Variants in PLXNA4 observed in about 807,000 individuals in gnomAD.
The protein encoded by PLXNA4 is plexin-A4.
PLXNA4 carries 44 observed loss-of-function variants against 191.8 expected under a neutral mutation model. The ratio of observed to expected loss-of-function variants is 0.23; its 90% CI spans 0.18 to 0.29. The LOEUF (loss-of-function observed/expected upper bound fraction) is 0.29. Among genes scored for constraint, PLXNA4 ranks in the 10% least tolerant of loss-of-function variants. PLXNA4 has a pLI of 1.00. For missense variants in PLXNA4, 1,800 were observed against 2,488.8 expected (o/e 0.72, Z 5.89); for synonymous variants, 1,082 against 1,009.5 (o/e 1.07, Z -1.36).
At chr7:132,419,826 A>G (rs1794788535) in intron 3 of PLXNA4, among the ~76,000 whole-genome samples, 1 of 152,248 alleles carries the variant, frequency 6.6e-6, no homozygotes, top group African/African-American at 2.4e-5. Flanking sequence ...ATACATAAAC[A>G]AATGAATGTG....
intron 4 of PLXNA4, among the ~76,000 whole-genome samples, chr7:132,242,968 C>A (rs1171073379): frequency 1.3e-5 from 2 of 152,162 alleles, no homozygotes; most frequent in African/African-American, 2.4e-5. Flanking sequence ...TGGCTCCTAA[C>A]CCAAAGTACC....
intron 1 of PLXNA4, among the ~76,000 whole-genome samples, chr7:132,514,322 A>T (rs1428207211): frequency 6.6e-6 from 1 of 152,156 alleles, no homozygotes; most frequent in Admixed American, 6.5e-5. Flanking sequence ...AAGTGCTGGG[A>T]TTACAGGCAT....
chr7:132,580,606 A>T (rs1248473858), upstream of PLXNA4, among the ~76,000 whole-genome samples: 1 of 152,218 alleles, frequency 6.6e-6, no homozygotes, highest in Non-Finnish European at 1.5e-5. Context: ...CAGAAAAAGT[A>T]TTGGTTCATC....
At chr7:132,519,590 C>A (rs1439603145) in intron 1 of PLXNA4, among the ~76,000 whole-genome samples, 5 of 152,234 alleles carry the variant, frequency 3.3e-5, no homozygotes, top group Admixed American at 6.5e-5. Context: ...GCATCCCTGC[C>A]TGCCACTCTA....
intron 2 of PLXNA4, among the ~76,000 whole-genome samples, chr7:132,598,037 T>C (rs1802749475): frequency 6.6e-6 from 1 of 152,222 alleles, no homozygotes; most frequent in Admixed American, 6.5e-5. Flanking sequence ...CTGTGTCATA[T>C]GGTTAACAAA....
chr7:132,427,905 TG>T (rs1264211572), intron 3 of PLXNA4, among the ~76,000 whole-genome samples: 1 of 152,182 alleles, frequency 6.6e-6, no homozygotes, highest in Non-Finnish European at 1.5e-5. Flanking sequence ...GTTAAAGAGA[TG>T]GTGCGGACAT....
chr7:132,266,862 T>C (rs79614425), intron 4 of PLXNA4, among the ~76,000 whole-genome samples: 3,168 of 152,318 alleles, frequency 0.021, 103 homozygotes, highest in African/African-American at 0.071. Flanking sequence ...TGGAATAAAG[T>C]GACTGGGCTT....
chr7:132,298,348 G>A, intron 3 of PLXNA4, 126 bp from the exon 4 acceptor site: 1 of 1,291,998 alleles, frequency 7.7e-7, no homozygotes, highest in Non-Finnish European at 1.0e-6. Context: ...AGTGCTCACA[G>A]GCTAAAGCCA....
intron 3 of PLXNA4, among the ~76,000 whole-genome samples, chr7:132,402,995 C>T (rs1415416580): frequency 2.6e-5 from 4 of 152,246 alleles, no homozygotes; most frequent in Non-Finnish European, 5.9e-5. Flanking sequence ...CTGGATCTCT[C>T]TTCCCCCACA....
chr7:132,640,176 G>A (rs1803710929), intron 2 of PLXNA4, among the ~76,000 whole-genome samples: 1 of 152,232 alleles, frequency 6.6e-6, no homozygotes, highest in Admixed American at 6.5e-5. Flanking sequence ...TGAGCCAACA[G>A]ATGTTCCTGG....
chr7:132,524,758 G>A (rs966823431), intron 1 of PLXNA4, among the ~76,000 whole-genome samples: 5 of 151,960 alleles, frequency 3.3e-5, no homozygotes, highest in African/African-American at 7.3e-5. Flanking sequence ...TAGTAGAGAC[G>A]GGGTTTCACT....
chr7:132,563,395 T>G (rs920563988), intron 1 of PLXNA4, among the ~76,000 whole-genome samples: 1 of 22,214 alleles, frequency 4.5e-5, no homozygotes, highest in Non-Finnish European at 8.3e-5. Flanking sequence ...TCCTCCTCTT[T>G]CTCCTCCTCC....
chr7:132,174,027 G>C (rs1404642880), intron 21 of PLXNA4, among the ~76,000 whole-genome samples: 4 of 152,180 alleles, frequency 2.6e-5, no homozygotes, highest in African/African-American at 7.2e-5. Flanking sequence ...TTCTTGGGAG[G>C]TGAAATGAAT....
intron 3 of PLXNA4, among the ~76,000 whole-genome samples, chr7:132,353,405 A>G (rs749609925): frequency 6.6e-6 from 1 of 151,884 alleles, no homozygotes; most frequent in South Asian, 2.1e-4. Context: ...TAATCTTACC[A>G]TTATTACTTA....
chr7:132,525,867 A>T (rs890564240), intron 1 of PLXNA4, among the ~76,000 whole-genome samples: 3 of 152,188 alleles, frequency 2.0e-5, no homozygotes, highest in African/African-American at 7.2e-5. Flanking sequence ...GCTCACTAAA[A>T]GTCCTCAGAG....
chr7:132,521,884 G>A (rs969993578), intron 1 of PLXNA4, among the ~76,000 whole-genome samples: 3 of 152,148 alleles, frequency 2.0e-5, no homozygotes, highest in Admixed American at 6.5e-5. Context: ...CTATGACTTG[G>A]TCATGCCCTC....
intron 3 of PLXNA4, chr7:132,383,690 T>G: frequency 1.0e-6 from 1 of 982,882 alleles, no homozygotes; most frequent in Non-Finnish European, 1.2e-6. Context: ...TCAATTCCAA[T>G]TTTTGATAGA....
At chr7:132,364,266 G>C (rs1804066496) in intron 3 of PLXNA4, among the ~76,000 whole-genome samples, 1 of 152,204 alleles carries the variant, frequency 6.6e-6, no homozygotes, top group African/African-American at 2.4e-5. Context: ...TTGTCATATG[G>C]AGCAAATGAC....
At chr7:132,527,463 C>G (rs1332061224) in intron 1 of PLXNA4, among the ~76,000 whole-genome samples, 1 of 143,690 alleles carries the variant, frequency 7.0e-6, no homozygotes, top group African/African-American at 2.6e-5. Flanking sequence ...AAATGCCTTT[C>G]TCCACGTCGT....
Sources: gnomAD v4.1 joint callset for allele counts (sites outside exome capture counted in the v4.1 genomes callset) on GRCh38, gnomAD v4.1.1 for gene constraint, MANE v1.5 for transcripts, NCBI Gene and HGNC (gene_info 2026-07-23, HGNC 2026-07-21) for gene names.